The following SLC71A2 variants were observed in gnomAD, a reference collection of about 807,000 sequenced individuals.
The protein encoded by SLC71A2 is solute carrier family 71 member 2, also known as hippocampus abundant transcript-like 1.
chr9:94,396,831 C>T, the SLC71A2 span, among the ~76,000 whole-genome samples: 39 of 152,156 alleles, frequency 2.6e-4, no homozygotes, highest in African/African-American at 9.2e-4. Context: ...AGTGCACTGG[C>T]AGGATCTCGG....
At chr9:94,390,539 T>C in the SLC71A2 span, among the ~76,000 whole-genome samples, 1 of 151,694 alleles carries the variant, frequency 6.6e-6, no homozygotes, top group Non-Finnish European at 1.5e-5. Context: ...TTTAATCTTA[T>C]TGGGGGAGGA....
the SLC71A2 span, among the ~76,000 whole-genome samples, chr9:94,396,323 C>G: frequency 6.6e-6 from 1 of 152,006 alleles, no homozygotes; most frequent in Non-Finnish European, 1.5e-5. Flanking sequence ...TGAGACCAGC[C>G]TAGGCAACAT....
chr9:94,457,803 A>G, the SLC71A2 span, among the ~76,000 whole-genome samples: 1 of 152,264 alleles, frequency 6.6e-6, no homozygotes, highest in Non-Finnish European at 1.5e-5. Flanking sequence ...TTACAGAAAC[A>G]TTCATTTCAT....
the SLC71A2 span, among the ~76,000 whole-genome samples, chr9:94,378,400 G>C: frequency 6.6e-6 from 1 of 152,052 alleles, no homozygotes; most frequent in Non-Finnish European, 1.5e-5. Flanking sequence ...GGCCGCGTGC[G>C]GTGGATCACT....
At chr9:94,395,190 G>A in the SLC71A2 span, among the ~76,000 whole-genome samples, 1 of 150,260 alleles carries the variant, frequency 6.7e-6, no homozygotes, top group African/African-American at 2.5e-5. Context: ...CTGGGATTAC[G>A]GGGATGAACC....
chr9:94,401,273 C>T, the SLC71A2 span, among the ~76,000 whole-genome samples: 1 of 152,072 alleles, frequency 6.6e-6, no homozygotes, highest in Non-Finnish European at 1.5e-5. Context: ...CGATTTCAAG[C>T]ATTTTCTCCT....
the SLC71A2 span, among the ~76,000 whole-genome samples, chr9:94,411,044 G>A: frequency 6.6e-6 from 1 of 152,122 alleles, no homozygotes; most frequent in Non-Finnish European, 1.5e-5. Flanking sequence ...CACTGCACCT[G>A]GCAAAAAATT....
At chr9:94,420,143 A>T in the SLC71A2 span, among the ~76,000 whole-genome samples, 1 of 152,090 alleles carries the variant, frequency 6.6e-6, no homozygotes, top group Non-Finnish European at 1.5e-5. Flanking sequence ...CCAGTCTCTT[A>T]TATGTGTGTG....
chr9:94,381,773 C>A, the SLC71A2 span, among the ~76,000 whole-genome samples: 1 of 152,062 alleles, frequency 6.6e-6, no homozygotes, highest in African/African-American at 2.4e-5. Context: ...GGATTTGAGA[C>A]CAGCCTGGGC....
chr9:94,400,186 G>A, the SLC71A2 span, among the ~76,000 whole-genome samples: 8 of 152,006 alleles, frequency 5.3e-5, no homozygotes, highest in South Asian at 4.2e-4. Flanking sequence ...CTGCCTCCTC[G>A]ACCAACTAAA....
the SLC71A2 span, chr9:94,445,184 TA>T: frequency 7.5e-6 from 12 of 1,593,412 alleles, no homozygotes; most frequent in Admixed American, 1.8e-5. Context: ...CCTTTTGCGG[TA>T]AATAAAAATA....
the SLC71A2 span, among the ~76,000 whole-genome samples, chr9:94,383,396 C>T: frequency 7.2e-5 from 11 of 152,108 alleles, no homozygotes; most frequent in Non-Finnish European, 5.9e-5. Context: ...CTCCTGACCT[C>T]GTTATCCACC....
chr9:94,412,331 G>T, the SLC71A2 span, among the ~76,000 whole-genome samples: 7 of 152,014 alleles, frequency 4.6e-5, no homozygotes, highest in Non-Finnish European at 8.8e-5. Flanking sequence ...GTATTTTTTT[G>T]ACTCTTAATT....
the SLC71A2 span, among the ~76,000 whole-genome samples, chr9:94,458,826 G>A: frequency 1.3e-5 from 2 of 152,092 alleles, no homozygotes; most frequent in African/African-American, 4.8e-5. Context: ...TTCCCTCTAA[G>A]CCATATCTAT....
chr9:94,376,738 T>C, the SLC71A2 span, among the ~76,000 whole-genome samples: 2,313 of 87,614 alleles, frequency 0.026, 118 homozygotes, highest in African/African-American at 0.1. Context: ...ATTCTTTGCA[T>C]GTATGATTGA....
chr9:94,456,195 T>G, the SLC71A2 span: 3 of 1,416,460 alleles, frequency 2.1e-6, no homozygotes, highest in Non-Finnish European at 3.0e-6. Context: ...AGTGAGCTCC[T>G]TGAGGTTGAC....
the SLC71A2 span, among the ~76,000 whole-genome samples, chr9:94,379,081 T>C: frequency 1.6e-5 from 2 of 124,256 alleles, no homozygotes; most frequent in Non-Finnish European, 3.5e-5. Flanking sequence ...ATTCTTGGTG[T>C]GCATTTCCTT....
the SLC71A2 span, among the ~76,000 whole-genome samples, chr9:94,415,766 C>T: frequency 6.6e-6 from 1 of 152,104 alleles, no homozygotes; most frequent in East Asian, 1.9e-4. Context: ...CGCTGCTGAT[C>T]TGACAGGAGG....
the SLC71A2 span, chr9:94,441,145 A>G: frequency 9.4e-7 from 1 of 1,065,330 alleles, no homozygotes; most frequent in Non-Finnish European, 1.4e-6. Flanking sequence ...ATAGTAATTA[A>G]CATTGTATTA....
Sources: allele counts gnomAD v4.1 joint callset (sites outside exome capture counted in the v4.1 genomes callset), GRCh38; gene constraint gnomAD v4.1.1; transcripts MANE v1.5; gene names NCBI Gene and HGNC (gene_info 2026-07-23, HGNC 2026-07-21).